The following LEMD1 variants were observed in gnomAD, a reference collection of about 807,000 sequenced individuals.
LEMD1 encodes the protein LEM domain-containing protein 1.
Under a neutral mutation model 17.4 loss-of-function variants are expected in LEMD1, and 18 were observed. The observed-to-expected ratio is 1.04, with a 90% CI of 0.72 to 1.54. LEMD1 has a LOEUF of 1.54. Ranked by LOEUF, LEMD1 falls within the 40% of genes most tolerant of loss-of-function variation. The pLI is 0.00. For missense variants in LEMD1, 195 were observed against 210.4 expected (o/e 0.93, Z 0.45); for synonymous variants, 88 against 77.8 (o/e 1.13, Z -0.69).
chr1:205,413,571 G>A (rs896389513), intron 4 of LEMD1, among the ~76,000 whole-genome samples: 1 of 148,004 alleles, frequency 6.8e-6, no homozygotes, highest in African/African-American at 2.5e-5. Context: ...TGACATGTGC[G>A]TGTCACCATG....
intron 4 of LEMD1, among the ~76,000 whole-genome samples, chr1:205,414,614 G>T (rs1307690536): frequency 2.0e-5 from 3 of 151,890 alleles, no homozygotes; most frequent in Non-Finnish European, 4.4e-5. Context: ...GTAGAGACAT[G>T]GTCTCCCTAG....
Position 205,448,096 on chromosome 1 carries a change from T to C in LEMD1, c.-39+1772A>G, listed in dbSNP as rs1431365334. On this transcript the variant is annotated intron_variant, in intron 1 of 3. Coordinates refer to the LEMD1 transcript ENST00000367154. This position sits in a 1 kb window ranked among gnomAD's most constrained non-coding sequence, Gnocchi z 4.7. ...CTTCCTTCCTCAGAGGGAATCTCCC[T>C]CTGGAATCACCGGCCCAGTCTCTTC... Among the ~76,000 whole-genome samples, 1 of 152,102 alleles carries C rather than the reference T, an allele frequency of 6.6e-6. No homozygotes were observed. The highest frequency in any genetic ancestry group is 6.5e-5 in the Admixed American group (1 of 15,276).
chr1:205,403,930 T>C (rs1184119397), intron 4 of LEMD1, among the ~76,000 whole-genome samples: 1 of 152,180 alleles, frequency 6.6e-6, no homozygotes, highest in Non-Finnish European at 1.5e-5. Flanking sequence ...TCAAAGAACA[T>C]CTTTATTTCT....
intron 4 of LEMD1, among the ~76,000 whole-genome samples, chr1:205,399,260 G>A (rs1664728539): frequency 1.3e-5 from 2 of 151,946 alleles, no homozygotes; most frequent in Non-Finnish European, 2.9e-5. Flanking sequence ...CACACAGTGA[G>A]GCTAATGGAA....
chr1:205,434,661 G>A (rs576821193), intron 1 of LEMD1, among the ~76,000 whole-genome samples: 22 of 152,200 alleles, frequency 1.4e-4, no homozygotes, highest in African/African-American at 4.6e-4. Context: ...GGAGGCTCAC[G>A]GAGTTCCAGG....
rs763087893 is a variant in LEMD1 at position 205,381,774 on chromosome 1, T to C, written c.430A>G (p.Ile144Val). ...ERDYCAEDQT[I>V]ESWREEGFPV... ...AAACCTTCTTCTCTCCAGCTCTCGATAGTCTGGTCTTCCGCGCAGTAGTCT... is the reference window on the plus strand; with the variant it reads ...AAACCTTCTTCTCTCCAGCTCTCGACAGTCTGGTCTTCCGCGCAGTAGTCT... The change falls in exon 6 of 6, where the codon ATC becomes GTC. Residue 144 changes from isoleucine to valine, a missense_variant. Coordinates refer to ENST00000367153, the MANE Select transcript of LEMD1 (RefSeq NM_001199050.2). 1 of 1,614,192 alleles carries C rather than the reference T, an allele frequency of 6.2e-7. No individual in the cohort carries two copies. The highest frequency in any genetic ancestry group is 1.7e-5 in the Admixed American group (1 of 60,024).
chr1:205,384,176 CA>C (rs1390163537), intron 5 of LEMD1, 111 bp downstream of exon 5: 10 of 561,232 alleles, frequency 1.8e-5, no homozygotes, highest in African/African-American at 1.8e-4. Flanking sequence ...TCTCCTTTCT[CA>C]ACAGATTCTT....
chr1:205,447,173 C>A (rs1243161131), intron 1 of LEMD1, among the ~76,000 whole-genome samples: 1 of 152,232 alleles, frequency 6.6e-6, no homozygotes, highest in South Asian at 2.1e-4. Flanking sequence ...CGTGGGTTCA[C>A]GTCCCAGTTG....
intron 4 of LEMD1, among the ~76,000 whole-genome samples, chr1:205,392,413 G>A (rs780741160): frequency 2.0e-5 from 3 of 151,876 alleles, no homozygotes; most frequent in Non-Finnish European, 4.4e-5. Flanking sequence ...ATGATGGTGT[G>A]TGCCTGTAGT....
At chr1:205,445,828 C>A (rs1055088946) in intron 1 of LEMD1, among the ~76,000 whole-genome samples, 1 of 152,172 alleles carries the variant, frequency 6.6e-6, no homozygotes, top group African/African-American at 2.4e-5. Context: ...AAAGGTCAAA[C>A]TTTAGTGTCA....
chr1:205,439,328 G>A (rs543018742), intron 1 of LEMD1, among the ~76,000 whole-genome samples: 2 of 152,318 alleles, frequency 1.3e-5, no homozygotes, highest in South Asian at 2.1e-4. Flanking sequence ...AGAAGGTGGG[G>A]GCTAGGAGGT....
At chr1:205,387,750 C>T (rs779402622) in intron 4 of LEMD1, among the ~76,000 whole-genome samples, 1 of 152,116 alleles carries the variant, frequency 6.6e-6, no homozygotes, top group Non-Finnish European at 1.5e-5. Context: ...CATTCAAGTC[C>T]GAAAATTCCA....
intron 4 of LEMD1, chr1:205,385,632 T>G (rs1416837332): frequency 6.6e-6 from 1 of 152,256 alleles, no homozygotes; most frequent in Non-Finnish European, 1.5e-5. Flanking sequence ...CTATCAAGCA[T>G]GGTTATTTTG....
chr1:205,420,629 A>G lies in LEMD1; in HGVS notation c.-38-55T>C, dbSNP rs1665919900. 7 of 932,902 alleles carry G rather than the reference A, an allele frequency of 7.5e-6. No individual in the cohort carries two copies. In the South Asian group the frequency reaches 8.1e-5, roughly 11 times the overall value. 57.8% of individuals were successfully genotyped at this position (932,902 alleles called of 1,614,324 possible). On this transcript the variant is annotated intron_variant, in intron 1 of 5. Coordinates refer to ENST00000367153, the MANE Select transcript of LEMD1 (RefSeq NM_001199050.2). Reference sequence around the variant, plus strand: ...AGACAGCCTTACCAATAAGTACTAAAATGTTACCAATCCACATAAGTGTTT... The same window carrying G: ...AGACAGCCTTACCAATAAGTACTAAGATGTTACCAATCCACATAAGTGTTT...
At chr1:205,409,254 G>A (rs1348787065) in intron 4 of LEMD1, among the ~76,000 whole-genome samples, 6 of 152,120 alleles carry the variant, frequency 3.9e-5, no homozygotes, top group Non-Finnish European at 7.3e-5. Flanking sequence ...GTAGGCTCTC[G>A]ATAAATCACA....
chr1:205,446,770 TGA>T (rs1456005846), intron 1 of LEMD1, among the ~76,000 whole-genome samples: 2 of 152,118 alleles, frequency 1.3e-5, no homozygotes, highest in Non-Finnish European at 1.5e-5. Flanking sequence ...GAACTCTGGG[TGA>T]GAGAACCCAG....
At chr1:205,415,853 G>A (rs566282728) in intron 4 of LEMD1, among the ~76,000 whole-genome samples, 2 of 152,328 alleles carry the variant, frequency 1.3e-5, no homozygotes, top group South Asian at 4.1e-4. Context: ...CCAGATGTTA[G>A]GGGCTAGAAA....
intron 3 of LEMD1, 48 bp downstream of exon 3, chr1:205,419,182 A>G (rs1459203668): frequency 1.2e-6 from 2 of 1,602,602 alleles, no homozygotes; most frequent in Admixed American, 3.4e-5. Flanking sequence ...TGGACAAGGT[A>G]TTAATAAGTG....
intron 1 of LEMD1, among the ~76,000 whole-genome samples, chr1:205,433,446 G>C (rs1277678878): frequency 1.3e-5 from 2 of 152,200 alleles, no homozygotes; most frequent in Non-Finnish European, 2.9e-5. Context: ...AACAGAGCGA[G>C]ACTCTGTCTT....
Sources: allele counts gnomAD v4.1 joint callset (sites outside exome capture counted in the v4.1 genomes callset), GRCh38; gene constraint gnomAD v4.1.1; non-coding constraint Gnocchi (gnomAD v3.1); transcripts MANE v1.5; gene names NCBI Gene and HGNC (gene_info 2026-07-23, HGNC 2026-07-21).